STK32C: variants seen among roughly 807,000 people sequenced by gnomAD.
STK32C encodes serine/threonine-protein kinase 32C.
In STK32C, 31 loss-of-function variants were observed where a neutral mutation model predicts 56.5. The observed-to-expected ratio is 0.55, with a 90% CI of 0.41 to 0.74. The LOEUF (loss-of-function observed/expected upper bound fraction) is 0.74. STK32C is among the 30% of genes least tolerant of loss of function. The pLI is 0.00. For synonymous variants in STK32C, 309 were observed against 289.4 expected, an observed-to-expected ratio of 1.07 and a Z score of -0.69; for missense variants, 544 against 676.9, an observed-to-expected ratio of 0.80 and a Z score of 2.18.
At chr10:132,288,061 C>T (rs1291280807) in intron 1 of STK32C, among the ~76,000 whole-genome samples, 1 of 151,830 alleles carries the variant, frequency 6.6e-6, no homozygotes, top group Non-Finnish European at 1.5e-5. Context: ...AAGCTCTTCC[C>T]CCAGCCCAAA....
chr10:132,241,106 CTGGCTGTT>C, intron 2 of STK32C, among the ~76,000 whole-genome samples: 2 of 152,234 alleles, frequency 1.3e-5, no homozygotes, highest in South Asian at 2.1e-4. Context: ...AAGTGAGGGC[CTGGCTGTT>C]ATTCCCAGGA....
At chr10:132,224,614 A>G in intron 7 of STK32C, 91 bp from the exon 8 acceptor site, 3 of 909,066 alleles carry the variant, frequency 3.3e-6, no homozygotes, top group South Asian at 2.9e-5. Flanking sequence ...CCCTGAGAGG[A>G]CCCCCTCCCC....
chr10:132,266,944 G>A (rs929019058), intron 1 of STK32C, among the ~76,000 whole-genome samples: 4 of 152,142 alleles, frequency 2.6e-5, no homozygotes, highest in East Asian at 1.9e-4. Context: ...CTGCGCGGAC[G>A]AGGCCGCAGA....
intron 1 of STK32C, among the ~76,000 whole-genome samples, chr10:132,302,630 CCA>C (rs892424223): frequency 6.8e-4 from 103 of 152,244 alleles, no homozygotes; most frequent in African/African-American, 2.2e-3. Flanking sequence ...GGTGTCTGGG[CCA>C]CACAGAGAGC....
chr10:132,276,830 T>C (rs2065010850), intron 1 of STK32C, among the ~76,000 whole-genome samples: 2 of 150,856 alleles, frequency 1.3e-5, no homozygotes, highest in Non-Finnish European at 2.9e-5. Context: ...GTTTCCTCCG[T>C]TACCCCAGCG....
intron 1 of STK32C, among the ~76,000 whole-genome samples, chr10:132,251,446 T>C (rs2063901970): frequency 1.3e-5 from 2 of 152,034 alleles, no homozygotes; most frequent in Admixed American, 1.3e-4. Flanking sequence ...GTGGGCATGG[T>C]CCCTTCCTTA....
intron 1 of STK32C, among the ~76,000 whole-genome samples, chr10:132,251,085 G>C (rs1565110841): frequency 6.6e-6 from 1 of 152,196 alleles, no homozygotes; most frequent in East Asian, 1.9e-4. Flanking sequence ...GGAGCCCTGA[G>C]CCCCAGGCCC....
chr10:132,317,000 CA>C (rs71472739), intron 1 of STK32C, among the ~76,000 whole-genome samples: 18,985 of 81,550 alleles, frequency 0.23, 1,360 homozygotes, highest in Middle Eastern at 0.39. Flanking sequence ...GACTCCATCT[CA>C]AAAAAAAAAA....
upstream of STK32C, chr10:132,331,888 CCT>C: frequency 9.4e-7 from 1 of 1,059,226 alleles, no homozygotes; most frequent in Non-Finnish European, 1.3e-6. Context: ...CGCACCACCC[CCT>C]GCCACCCCCG....
chr10:132,219,024 C>T (rs927590848), intron 10 of STK32C, among the ~76,000 whole-genome samples: 2 of 152,108 alleles, frequency 1.3e-5, no homozygotes, highest in Admixed American at 6.5e-5. Flanking sequence ...AAAGTAGCTT[C>T]GTGGCTGCCA....
At chr10:132,313,020 A>G (rs1007495921) in intron 1 of STK32C, among the ~76,000 whole-genome samples, 5 of 152,238 alleles carry the variant, frequency 3.3e-5, no homozygotes, top group Non-Finnish European at 7.3e-5. Context: ...AGCCTGGGCG[A>G]CAGAGCGAGA....
Position 132,222,807 on chromosome 10 carries a change from G to A in STK32C, c.1120-35C>T, listed in dbSNP as rs372663106. ...GATGGGTGCTGAGCCCCGGCCCGTG[G>A]AGGACGCCACATCCATCCCCAGGGC... is the stretch of plus-strand genomic sequence containing the variant. On this transcript the variant is annotated intron_variant, in intron 9 of 11. Transcript: ENST00000298630. The A allele has an allele frequency of 1.0e-5, 16 of 1,593,812 alleles. No homozygotes were observed. In the African/African-American group the frequency reaches 1.6e-4, roughly 16 times the overall value.
At chr10:132,331,868 C>A (rs370554432), upstream of STK32C, 19 of 1,298,188 alleles carry the variant, frequency 1.5e-5, no homozygotes, top group South Asian at 1.7e-4. Flanking sequence ...TGGCCGCGTG[C>A]GTGCGCAGGC....
intron 1 of STK32C, among the ~76,000 whole-genome samples, chr10:132,261,596 C>CTCTA (rs2064309925): frequency 6.6e-6 from 1 of 152,124 alleles, no homozygotes; most frequent in Admixed American, 6.6e-5. Flanking sequence ...AAAACCCTGT[C>CTCTA]TCTATTAAAA....
At chr10:132,243,426 G>T (rs911244383) in intron 2 of STK32C, among the ~76,000 whole-genome samples, 2 of 152,072 alleles carry the variant, frequency 1.3e-5, no homozygotes, top group African/African-American at 4.8e-5. Context: ...TCTATGCCGG[G>T]TAAGGGGGCA....
chr10:132,325,817 G>A (rs1352808052), intron 1 of STK32C, among the ~76,000 whole-genome samples: 1 of 151,112 alleles, frequency 6.6e-6, no homozygotes, highest in Non-Finnish European at 1.5e-5. Flanking sequence ...CGCCTCCCGG[G>A]TTCATGCCAT....
chr10:132,247,225 G>A (rs1019284454), intron 1 of STK32C, among the ~76,000 whole-genome samples: 13 of 152,222 alleles, frequency 8.5e-5, no homozygotes, highest in African/African-American at 2.7e-4. Context: ...TGGGGCAAGT[G>A]CTTTAGGCAC....
At chr10:132,213,635 G>A (rs1388877931) in intron 10 of STK32C, among the ~76,000 whole-genome samples, 1 of 152,102 alleles carries the variant, frequency 6.6e-6, no homozygotes, top group Non-Finnish European at 1.5e-5. Flanking sequence ...AAGGTCTTAA[G>A]GAAAAAAATA....
Position 132,259,016 on chromosome 10 carries a change from ATAGCTTGGGAGGCTGCTG to A in STK32C, c.263-13079_263-13062del, listed in dbSNP as rs1275192765. 7.4e-3 allele frequency among the ~76,000 whole-genome samples: 1,123 copies of A among 152,282 alleles called. 15 individuals are homozygous for A. Among genetic ancestry groups the A allele is most frequent in the African/African-American group, 0.025 (1,046 of 41,532 alleles). On this transcript the variant is annotated intron_variant, in intron 1 of 11. Coordinates refer to ENST00000298630, the MANE Select transcript of STK32C (RefSeq NM_173575.4). ...CACTCGACAACACATGAACAGGGCT[ATAGCTTGGGAGGCTGCTG>A]CACCGGGTACTGGGGGCACAGCTGG...
Sources: gnomAD v4.1 joint callset for allele counts (sites outside exome capture counted in the v4.1 genomes callset) on GRCh38, gnomAD v4.1.1 for gene constraint, MANE v1.5 for transcripts, NCBI Gene and HGNC (gene_info 2026-07-23, HGNC 2026-07-21) for gene names.